The following TRPC1 variants were observed in gnomAD, a reference collection of about 807,000 sequenced individuals.
TRPC1 encodes the protein transient receptor potential cation channel subfamily C member 1, also known as short transient receptor potential channel 1.
In TRPC1, 42 loss-of-function variants were observed where a neutral mutation model predicts 88.2. The observed-to-expected ratio is 0.48, with a 90% CI of 0.37 to 0.62. The LOEUF (loss-of-function observed/expected upper bound fraction) is 0.62. Among genes scored for constraint, TRPC1 ranks in the 20% least tolerant of loss-of-function variants. TRPC1 has a pLI of 0.00. For synonymous variants in TRPC1, 288 were observed against 331.8 expected (o/e 0.87, Z 1.43); for missense variants, 699 against 957.3 (o/e 0.73, Z 3.56).
At chr3:142,746,008 C>T (rs1211653720) in intron 3 of TRPC1, among the ~76,000 whole-genome samples, 3 of 152,096 alleles carry the variant, frequency 2.0e-5, no homozygotes, top group East Asian at 1.9e-4. Context: ...CTACCCTTCT[C>T]GGCCTCCCAA....
At chr3:142,772,212 TG>T (rs764515139) in intron 4 of TRPC1, among the ~76,000 whole-genome samples, 88 of 152,326 alleles carry the variant, frequency 5.8e-4, no homozygotes, top group South Asian at 2.5e-3. Context: ...TCAAGAAATT[TG>T]GGAAGTTGTT....
intron 4 of TRPC1, among the ~76,000 whole-genome samples, chr3:142,754,433 C>G (rs1009370668): frequency 6.6e-6 from 1 of 151,796 alleles, no homozygotes; most frequent in Non-Finnish European, 1.5e-5. Flanking sequence ...AAAAAAATGA[C>G]GAGTTAATGT....
chr3:142,765,655 T>TA (rs1935358833), intron 4 of TRPC1, among the ~76,000 whole-genome samples: 1 of 152,172 alleles, frequency 6.6e-6, no homozygotes, highest in African/African-American at 2.4e-5. Context: ...TATCACCATA[T>TA]AAAAAAATTA....
rs1018280476 is a variant in TRPC1, at chr3:142,792,723, A to G, written c.1438-101A>G. On this transcript the variant is annotated intron_variant, in intron 8 of 12. Coordinates refer to ENST00000476941, the MANE Select transcript of TRPC1 (RefSeq NM_001251845.2). This position sits in a 1 kb window ranked among gnomAD's most constrained non-coding sequence, Gnocchi z 4.0. ...ATAAGTGGAGATCCCCTATAAGAAG[A>G]CAAAATTAAAATGGCTTTCTTTCAA... 1 of 1,248,958 alleles carries G rather than the reference A, an allele frequency of 8.0e-7. No individual in the cohort carries two copies. Among genetic ancestry groups the G allele is most frequent in the Non-Finnish European group, 1.1e-6 (1 of 939,870 alleles). 77.4% of individuals were successfully genotyped at this position (1,248,958 alleles called of 1,614,324 possible).
intron 6 of TRPC1, 67 bp downstream of exon 6, chr3:142,781,096 G>C (rs1013247443): frequency 1.7e-5 from 23 of 1,330,256 alleles, no homozygotes; most frequent in Non-Finnish European, 2.1e-5. Flanking sequence ...CAGGGCAAAG[G>C]CTTTGGAGTA....
chr3:142,743,554 C>A lies in TRPC1; in HGVS notation c.397C>A (p.Arg133=). The A allele has an allele frequency of 6.6e-7, 1 of 1,523,672 alleles. No individual in the cohort carries two copies. Among genetic ancestry groups the A allele is most frequent in the African/African-American group, 1.4e-5 (1 of 72,024 alleles). The allele number at this position is 1,523,672 out of a possible 1,614,324, so 94.4% of individuals were successfully genotyped here. ...VGAVDILLNH[R]PKRSSRPTIV... Reference sequence around the variant, plus strand: ...AGCTGTTGATATACTACTTAATCATCGACCAAAACGATCATCAAGACCAAC... The same window carrying A: ...AGCTGTTGATATACTACTTAATCATAGACCAAAACGATCATCAAGACCAAC... The change falls in exon 3 of 13, where the codon CGA becomes AGA. Residue 133 remains arginine (R), a synonymous_variant. Transcript: ENST00000476941.
chr3:142,797,742 T>C (rs1434836030), intron 9 of TRPC1, among the ~76,000 whole-genome samples: 1 of 152,062 alleles, frequency 6.6e-6, no homozygotes, highest in Admixed American at 6.6e-5. Flanking sequence ...ACTTGACACA[T>C]GGTGGGCTTT....
chr3:142,794,088 C>A (rs1449830038), intron 9 of TRPC1: 1 of 161,114 alleles, frequency 6.2e-6, no homozygotes, highest in African/African-American at 2.4e-5. Context: ...AGTCATTTAA[C>A]CTCATACCTG....
intron 9 of TRPC1, among the ~76,000 whole-genome samples, chr3:142,800,449 A>G (rs1471273477): frequency 6.6e-6 from 1 of 152,164 alleles, no homozygotes; most frequent in East Asian, 1.9e-4. Flanking sequence ...GTGGGCTGGA[A>G]GCATCTGGCC....
At chr3:142,751,412 GT>G (rs1934758797) in intron 4 of TRPC1, among the ~76,000 whole-genome samples, 1 of 152,168 alleles carries the variant, frequency 6.6e-6, no homozygotes, top group South Asian at 2.1e-4. Context: ...ATGCTATACA[GT>G]TTTGTAGCCT....
chr3:142,729,986 CAT>C (rs1310201340), intron 1 of TRPC1, among the ~76,000 whole-genome samples: 1 of 152,076 alleles, frequency 6.6e-6, no homozygotes, highest in Non-Finnish European at 1.5e-5. Flanking sequence ...AATTTTTAAA[CAT>C]ATGTTTTTCT....
At chr3:142,803,407 G>C (rs1412458142) in intron 10 of TRPC1, among the ~76,000 whole-genome samples, 1 of 152,222 alleles carries the variant, frequency 6.6e-6, no homozygotes, top group Non-Finnish European at 1.5e-5. Flanking sequence ...TGAATCAGAG[G>C]GGGAGTTGTA....
In TRPC1 at chr3:142,724,315, T is replaced by G; in HGVS notation, c.-245T>G. ...CCGGCTCGGCCGGGGCGCCGGCGGC[T>G]GGGGAGGGGTCGCTGGCCCCGGGGC... On this transcript the variant is annotated 5_prime_UTR_variant, in exon 1 of 13. Transcript: ENST00000476941. The surrounding 1 kb of genome is among the most constrained non-coding windows in gnomAD (Gnocchi z 5.6). 3.7e-6 allele frequency: 1 copy of G among 272,870 alleles called. No individual in the cohort carries two copies. Among genetic ancestry groups the G allele is most frequent in the Non-Finnish European group, 6.8e-6 (1 of 146,574 alleles). 16.9% of individuals were successfully genotyped at this position (272,870 alleles called of 1,614,324 possible). A position where few individuals can be genotyped will look rare whatever the true frequency, so the allele number is the denominator to read the frequency against.
rs569333117 is a variant in TRPC1 at position 142,748,370 on chromosome 3, A to G, written c.542A>G (p.Gln181Arg). ...GAAATTCTTACAATGCTCTTAAAACAGGATGTATCTCTACCCAAGCCCCAT... is the reference window on the plus strand; with the variant it reads ...GAAATTCTTACAATGCTCTTAAAACGGGATGTATCTCTACCCAAGCCCCAT... ...NYEILTMLLK[Q>R]DVSLPKPHAV... Residue 181 changes from glutamine to arginine, a missense_variant, in exon 4 of 13, where the codon CAG becomes CGG. Transcript: ENST00000476941. The G allele has an allele frequency of 1.4e-4, 222 of 1,614,176 alleles. 2 individuals are homozygous for G. The South Asian group carries it at 2.2e-3, about 16-fold the overall frequency.
chr3:142,746,768 A>G (rs1295696165), intron 3 of TRPC1, among the ~76,000 whole-genome samples: 1 of 152,078 alleles, frequency 6.6e-6, no homozygotes, highest in Non-Finnish European at 1.5e-5. Context: ...AAGAGCTTCA[A>G]AACTGTTCAT....
At chr3:142,789,000 A>G (rs1936215883) in intron 7 of TRPC1, among the ~76,000 whole-genome samples, 1 of 152,230 alleles carries the variant, frequency 6.6e-6, no homozygotes, top group African/African-American at 2.4e-5. Context: ...GTTTTTGTTA[A>G]GAGTTTCTTT....
chr3:142,726,789 C>T (rs1348946226), intron 1 of TRPC1, among the ~76,000 whole-genome samples: 1 of 152,160 alleles, frequency 6.6e-6, no homozygotes, highest in African/African-American at 2.4e-5. Context: ...CTATGACTTC[C>T]ACCATTACAC....
rs886371090 is a variant in TRPC1, at chr3:142,807,706, T to G, written c.*1471T>G. On this transcript the variant is annotated 3_prime_UTR_variant, in exon 13 of 13. Coordinates refer to ENST00000476941, the MANE Select transcript of TRPC1 (RefSeq NM_001251845.2). Reference sequence around the variant, plus strand: ...TTATATATTTTGTCTACGATGGGATTATGCACTTCCCAATTGGGATTTTAC... The same window carrying G: ...TTATATATTTTGTCTACGATGGGATGATGCACTTCCCAATTGGGATTTTAC... 4 of 152,240 alleles carry G rather than the reference T, an allele frequency of 2.6e-5. No homozygotes were observed. Among genetic ancestry groups the G allele is most frequent in the African/African-American group, 9.6e-5 (4 of 41,462 alleles). 9.4% of individuals were successfully genotyped at this position (152,240 alleles called of 1,614,324 possible). A position where few individuals can be genotyped will look rare whatever the true frequency, so the allele number is the denominator to read the frequency against.
chr3:142,775,338 G>A (rs1935730717), intron 4 of TRPC1, among the ~76,000 whole-genome samples: 1 of 152,170 alleles, frequency 6.6e-6, no homozygotes, highest in African/African-American at 2.4e-5. Flanking sequence ...CAACAAACTG[G>A]ATTAAAAGTA....
Sources: gnomAD v4.1 joint callset for allele counts (sites outside exome capture counted in the v4.1 genomes callset) on GRCh38, gnomAD v4.1.1 for gene constraint, Gnocchi (gnomAD v3.1) non-coding constraint, MANE v1.5 for transcripts, NCBI Gene and HGNC (gene_info 2026-07-23, HGNC 2026-07-21) for gene names.